GPM6A: variants seen among roughly 807,000 people sequenced by gnomAD.
The protein encoded by GPM6A is neuronal membrane glycoprotein M6-a.
A neutral mutation model predicts 32.1 loss-of-function variants in GPM6A; 7 were observed. The observed-to-expected ratio is 0.22, with a 90% confidence interval of 0.12 to 0.41. The LOEUF is 0.41. Among genes scored for constraint, GPM6A ranks in the 10% least tolerant of loss-of-function variants. The pLI, the probability that GPM6A is intolerant of heterozygous loss-of-function variation, is 1.00. For synonymous variants in GPM6A, 130 were observed against 123.4 expected, an observed-to-expected ratio of 1.05 and a Z score of -0.35; for missense variants, 235 against 347.2, an observed-to-expected ratio of 0.68 and a Z score of 2.57.
At chr4:175,730,845 C>G (rs1374171906) in intron 1 of GPM6A, among the ~76,000 whole-genome samples, 1 of 152,088 alleles carries the variant, frequency 6.6e-6, no homozygotes, top group African/African-American at 2.4e-5. Flanking sequence ...TGATTCAGTT[C>G]TCATCTAAAC....
At chr4:175,916,837 C>T (rs547959603) in intron 1 of GPM6A, among the ~76,000 whole-genome samples, 1 of 152,284 alleles carries the variant, frequency 6.6e-6, no homozygotes, top group South Asian at 2.1e-4. Context: ...CCCCTCCTTC[C>T]ACATTAAAAA....
At chr4:175,644,870 G>A (rs547056992) in intron 4 of GPM6A, among the ~76,000 whole-genome samples, 1 of 152,202 alleles carries the variant, frequency 6.6e-6, no homozygotes, top group Non-Finnish European at 1.5e-5. Context: ...ACTTTAGGAG[G>A]ATGAGGCAGG....
chr4:175,673,175 C>T (rs1291681238), intron 3 of GPM6A, among the ~76,000 whole-genome samples: 5 of 151,996 alleles, frequency 3.3e-5, no homozygotes, highest in Admixed American at 3.3e-4. Flanking sequence ...TATTACAAAA[C>T]TGTAGAGTAA....
intron 4 of GPM6A, among the ~76,000 whole-genome samples, chr4:175,650,838 C>T (rs1028077802): frequency 2.5e-4 from 38 of 152,144 alleles, no homozygotes; most frequent in African/African-American, 8.4e-4. Context: ...TAGAGAAAAA[C>T]GCTCAGTGTC....
chr4:175,804,887 C>T (rs28549021), intron 1 of GPM6A, among the ~76,000 whole-genome samples: 91,734 of 151,666 alleles, frequency 0.6, 28,036 homozygotes, highest in African/African-American at 0.68. Context: ...CTACTAAAAA[C>T]ACAAAAAATT....
At chr4:175,767,729 G>T (rs886100471) in intron 1 of GPM6A, among the ~76,000 whole-genome samples, 1 of 152,150 alleles carries the variant, frequency 6.6e-6, no homozygotes, top group Non-Finnish European at 1.5e-5. Context: ...TCCATTACTA[G>T]CTAGAAAGTT....
chr4:175,848,209 C>T (rs1252295003), intron 1 of GPM6A, among the ~76,000 whole-genome samples: 1 of 152,136 alleles, frequency 6.6e-6, no homozygotes, highest in African/African-American at 2.4e-5. Flanking sequence ...TGAACATTTG[C>T]AATAATGTAT....
chr4:175,640,105 A>C (rs772944112), intron 6 of GPM6A, 24 bp downstream of exon 6: 5 of 1,583,368 alleles, frequency 3.2e-6, no homozygotes, highest in Non-Finnish European at 4.3e-6. Context: ...TTGAAAACCA[A>C]GCACCAGCGC....
At chr4:175,967,124 T>G (rs1482803081) in intron 1 of GPM6A, among the ~76,000 whole-genome samples, 2 of 152,208 alleles carry the variant, frequency 1.3e-5, no homozygotes, top group East Asian at 3.8e-4. Flanking sequence ...GATTTATTAG[T>G]GTATGAAAAT....
chr4:175,987,442 A>C (rs62340603), intron 1 of GPM6A, among the ~76,000 whole-genome samples: 87 of 152,248 alleles, frequency 5.7e-4, no homozygotes, highest in South Asian at 1.0e-3. Flanking sequence ...TACAAATCTA[A>C]AGTTCTCTTT....
At chr4:175,977,284 C>T (rs1482465726) in intron 1 of GPM6A, among the ~76,000 whole-genome samples, 1 of 152,116 alleles carries the variant, frequency 6.6e-6, no homozygotes, top group Non-Finnish European at 1.5e-5. Flanking sequence ...TTTAGTATTC[C>T]TACAATGGAT....
chr4:175,967,294 T>G (rs1026112264), intron 1 of GPM6A, among the ~76,000 whole-genome samples: 2 of 152,110 alleles, frequency 1.3e-5, no homozygotes, highest in Non-Finnish European at 2.9e-5. Context: ...TTTCTCAACT[T>G]GGTAAAGAAT....
intron 1 of GPM6A, among the ~76,000 whole-genome samples, chr4:175,711,457 T>TATACAC (rs1303046650): frequency 3.9e-4 from 11 of 27,990 alleles, no homozygotes; most frequent in Non-Finnish European, 8.8e-4. Context: ...TATATATATA[T>TATACAC]ACACACACAT....
At chr4:175,786,423 A>C (rs1358805188) in intron 1 of GPM6A, among the ~76,000 whole-genome samples, 1 of 151,678 alleles carries the variant, frequency 6.6e-6, no homozygotes, top group Non-Finnish European at 1.5e-5. Flanking sequence ...GCATCTACAA[A>C]GCTCCCGTGC....
intron 1 of GPM6A, among the ~76,000 whole-genome samples, chr4:175,965,127 C>G (rs1740294495): frequency 6.6e-6 from 1 of 152,162 alleles, no homozygotes; most frequent in African/African-American, 2.4e-5. Flanking sequence ...TCTTCTCAAT[C>G]TCACGCAGAA....
At chr4:175,734,970 A>G (rs1162726899) in intron 1 of GPM6A, among the ~76,000 whole-genome samples, 1 of 152,238 alleles carries the variant, frequency 6.6e-6, no homozygotes, top group Non-Finnish European at 1.5e-5. Flanking sequence ...GTGTTTTCCA[A>G]TAAGACAATG....
intron 1 of GPM6A, among the ~76,000 whole-genome samples, chr4:175,714,755 T>C (rs1203132776): frequency 1.3e-5 from 2 of 152,176 alleles, no homozygotes; most frequent in African/African-American, 4.8e-5. Flanking sequence ...AAGATTAATA[T>C]TTAACATTCA....
chr4:175,886,532 C>T (rs1737461927), intron 1 of GPM6A, among the ~76,000 whole-genome samples: 1 of 152,034 alleles, frequency 6.6e-6, no homozygotes, highest in African/African-American at 2.4e-5. Context: ...CCAAAAGGTC[C>T]TTCTACGGTC....
chr4:175,878,227 G>A (rs62334762), intron 1 of GPM6A, among the ~76,000 whole-genome samples: 2 of 152,084 alleles, frequency 1.3e-5, no homozygotes, highest in African/African-American at 4.8e-5. Context: ...GCCGTCAGTG[G>A]ATCTACCATT....
Sources: allele counts gnomAD v4.1 joint callset (sites outside exome capture counted in the v4.1 genomes callset), GRCh38; gene constraint gnomAD v4.1.1; transcripts MANE v1.5; gene names NCBI Gene and HGNC (gene_info 2026-07-23, HGNC 2026-07-21).